The following DENND6B variants were observed in gnomAD, a reference collection of about 807,000 sequenced individuals.
DENND6B encodes DENN domain containing 6B, also known as protein DENND6B.
In DENND6B, 73 loss-of-function variants were observed where a neutral mutation model predicts 85.1. The observed-to-expected ratio is 0.86, with a 90% CI of 0.71 to 1.04. DENND6B has a LOEUF of 1.04. Ranked by LOEUF, DENND6B falls within the 50% of genes least tolerant of loss-of-function variation. The pLI is 0.00. For synonymous variants in DENND6B, 357 were observed against 329.3 expected (o/e 1.08, Z -0.91); for missense variants, 715 against 785.8 (o/e 0.91, Z 1.08).
intron 1 of DENND6B, among the ~76,000 whole-genome samples, chr22:50,320,751 T>G (rs2042018239): frequency 6.6e-6 from 1 of 152,154 alleles, no homozygotes; most frequent in Non-Finnish European, 1.5e-5. Context: ...TGAGGAGAAC[T>G]GAGAAAAGGC....
At position 50,316,083 on chromosome 22, in the gene DENND6B, C is replaced by A. The variant is rs11553143; in HGVS notation, c.644G>T (p.Arg215Leu). The change falls in exon 8 of 20, where the codon CGC (arginine) becomes CTC (leucine). Residue 215 changes from arginine (R) to leucine (L), a missense_variant. By Grantham distance (102) the Arg-to-Leu change is moderately radical. Coordinates refer to ENST00000413817, the MANE Select transcript of DENND6B (RefSeq NM_001001794.4). The part of the protein sequence containing the change: ...LPVMGVVVQV[R>L]IPSRVDKSES... ...GGACTTGTCCACCCTGGATGGGATGCGCACCTGGGAGAAGGAGGGAGCAGC... is the reference window on the plus strand; with the variant it reads ...GGACTTGTCCACCCTGGATGGGATGAGCACCTGGGAGAAGGAGGGAGCAGC... The A allele has an allele frequency of 6.2e-7, 1 of 1,612,612 alleles. No individual in the cohort carries two copies. The highest frequency in any genetic ancestry group is 8.5e-7 in the Non-Finnish European group (1 of 1,179,802).
rs375716693 is a variant in DENND6B at position 50,314,652 on chromosome 22, G to A, written c.930C>T (p.Thr310=). The A allele has an allele frequency of 1.7e-5, 27 of 1,567,378 alleles. No homozygotes were observed. The African/African-American group carries it at 3.1e-4, about 18-fold the overall frequency. The part of the protein sequence containing the change: ...RFCCDFRPYF[T]IHDSEFKEFT... ...ACTCCTTGAACTCGCTGTCATGGAT[G>A]GTGAAGTAGGGACGGAAGTCGCAGC... Residue 310 remains threonine (T), a synonymous_variant, in exon 11 of 20, where the codon ACC becomes ACT. Coordinates refer to ENST00000413817, the MANE Select transcript of DENND6B (RefSeq NM_001001794.4).
At position 50,312,371 on chromosome 22, in the gene DENND6B, T is replaced by G. The variant is rs1569194606; in HGVS notation, c.1607A>C (p.Asp536Ala). ...CTTCTCACGAAGTTTCAGGACCAGG[T>G]CCACGACCTCCACCTCGGACTTGTC... ...MKDKSEVEVVDLVLKLREKLV... is the reference protein window; with the variant it reads ...MKDKSEVEVVALVLKLREKLV... Residue 536 changes from aspartate (D) to alanine (A), a missense_variant, in exon 19 of 20, where the codon GAC (aspartate) becomes GCC (alanine). Asp to Ala is a moderately radical substitution (Grantham distance 126, BLOSUM62 -2). Transcript: ENST00000413817. 1.9e-6 allele frequency: 3 copies of G among 1,611,808 alleles called. No homozygotes were observed. Among genetic ancestry groups the G allele is most frequent in the Non-Finnish European group, 2.5e-6 (3 of 1,179,422 alleles).
chr22:50,321,289 G>A (rs186404819), intron 1 of DENND6B, among the ~76,000 whole-genome samples: 29 of 152,330 alleles, frequency 1.9e-4, no homozygotes, highest in Non-Finnish European at 3.2e-4. Context: ...GCCGCGGTGT[G>A]TCCTGTCCTA....
intron 16 of DENND6B, 28 bp downstream of exon 16, chr22:50,313,418 C>T (rs2068115969): frequency 6.5e-7 from 1 of 1,538,684 alleles, no homozygotes; most frequent in East Asian, 2.4e-5. Context: ...CCTCCATGGA[C>T]CCCACAAAAC....
Position 50,326,584 on chromosome 22 carries a change from T to C in DENND6B, c.177+228A>G, listed in dbSNP as rs1032436439. Among the ~76,000 whole-genome samples, 8 of 152,234 alleles carry C rather than the reference T, an allele frequency of 5.3e-5. 1 individual carries two copies. The South Asian group carries it at 1.4e-3, about 28-fold the overall frequency. ...AATCGAAAGAGTACCACTTAGGTTA[T>C]GCAAAATGCTCCATCCCAATGTGAA... On this transcript the variant is annotated intron_variant, in intron 1 of 19. Transcript: ENST00000413817.
At position 50,312,406 on chromosome 22, in the gene DENND6B, G is replaced by A. The variant is rs117291362; in HGVS notation, c.1572C>T (p.Thr524=). 29,373 of 1,611,000 alleles carry A rather than the reference G, an allele frequency of 0.018. 477 individuals carry two copies. Among genetic ancestry groups the A allele is most frequent in the East Asian group, 0.1 (4,542 of 44,726 alleles). ...LEAICEANIE[T]WMKDKSEVEV... is the part of the protein sequence containing the mutation. Reference sequence around the variant, plus strand: ...CCACCTCGGACTTGTCTTTCATCCAGGTCTCGATGTTCTGCAGGGCAAGAC... The same window carrying A: ...CCACCTCGGACTTGTCTTTCATCCAAGTCTCGATGTTCTGCAGGGCAAGAC... The change falls in exon 19 of 20, where the codon ACC becomes ACT. Residue 524 remains threonine (T), a synonymous_variant. Coordinates refer to ENST00000413817, the MANE Select transcript of DENND6B (RefSeq NM_001001794.4).
chr22:50,315,577 C>A lies in DENND6B; in HGVS notation c.758+137G>T, dbSNP rs566611586. The A allele has an allele frequency of 6.8e-5, 74 of 1,084,604 alleles. No individual in the cohort carries two copies. The African/African-American group carries it at 1.1e-3, about 17-fold the overall frequency. 67.2% of individuals were successfully genotyped at this position (1,084,604 alleles called of 1,614,324 possible). A position where few individuals can be genotyped will look rare whatever the true frequency, so the allele number is the denominator to read the frequency against. On this transcript the variant is annotated intron_variant, in intron 9 of 19. Transcript: ENST00000413817. ...CCCCACATGGCGCTGGCCATACACA[C>A]ACACACGTGCACACGTGCACTCACG...
At chr22:50,322,543 A>G (rs2042077821) in intron 1 of DENND6B, among the ~76,000 whole-genome samples, 1 of 151,554 alleles carries the variant, frequency 6.6e-6, no homozygotes, top group African/African-American at 2.4e-5. Flanking sequence ...TAGAAAAAAA[A>G]TTTTTGTCTT....
At chr22:50,321,042 G>A (rs150013503) in intron 1 of DENND6B, among the ~76,000 whole-genome samples, 28 of 152,350 alleles carry the variant, frequency 1.8e-4, no homozygotes, top group Non-Finnish European at 3.5e-4. Flanking sequence ...AGGTCAGGCT[G>A]TGCCCTGCTC....
Position 50,312,625 on chromosome 22 carries a change from C to A in DENND6B, c.1458G>T (p.Arg486Ser). 3.2e-6 allele frequency: 5 copies of A among 1,568,582 alleles called. No individual in the cohort carries two copies. Among genetic ancestry groups the A allele is most frequent in the Non-Finnish European group, 4.3e-6 (5 of 1,157,626 alleles). ...ILKGDWLGLY[R>S]RFFKSPHFDG... is the part of the protein sequence containing the mutation. ...CAAAATGGGGGGACTTGAAAAACCG[C>A]CTGTGGGGATTAACAGGCGGGGGGC... Residue 486 changes from arginine (R) to serine (S), a missense_variant and splice_region_variant, in exon 18 of 20, where the codon AGG becomes AGT. Arg to Ser is a moderately radical substitution (Grantham distance 110). Coordinates refer to ENST00000413817, the MANE Select transcript of DENND6B (RefSeq NM_001001794.4).
At chr22:50,313,226 G>T in intron 16 of DENND6B, 118 bp from the exon 17 acceptor site, 2 of 1,186,294 alleles carry the variant, frequency 1.7e-6, no homozygotes, top group Non-Finnish European at 2.4e-6. Flanking sequence ...ACCCTGCCTG[G>T]CACAGATCCC....
chr22:50,326,301 C>A (rs969530400), intron 1 of DENND6B, among the ~76,000 whole-genome samples: 17 of 152,350 alleles, frequency 1.1e-4, no homozygotes, highest in African/African-American at 3.8e-4. Flanking sequence ...CAAGGAGGCG[C>A]TGCAGGGTTT....
chr22:50,326,796 G>T lies in DENND6B; in HGVS notation c.177+16C>A. 1.5e-6 allele frequency: 2 copies of T among 1,373,008 alleles called. No homozygotes were observed. The allele number at this position is 1,373,008 out of a possible 1,614,324, so 85.1% of individuals were successfully genotyped here. A position where few individuals can be genotyped will look rare whatever the true frequency, so the allele number is the denominator to read the frequency against. ...GCCCTGCCCACCCGCCCGCGCCCGC[G>T]CTCGCGCCCGCTCACCTCCAGCGCC... On this transcript the variant is annotated intron_variant, in intron 1 of 19. Transcript: ENST00000413817.
Position 50,312,126 on chromosome 22 carries a change from C to T in DENND6B, c.*13G>A, listed in dbSNP as rs778275076. ...AGACCTAGGGCCCTGGGACCGTGGCCCTTGGCTTTGTTCTAGGGAGGGCAC... is the reference window on the plus strand; with the variant it reads ...AGACCTAGGGCCCTGGGACCGTGGCTCTTGGCTTTGTTCTAGGGAGGGCAC... On this transcript the variant is annotated 3_prime_UTR_variant, in exon 20 of 20. Transcript: ENST00000413817. 1.2e-6 allele frequency: 2 copies of T among 1,611,528 alleles called. No homozygotes were observed. Among genetic ancestry groups the T allele is most frequent in the African/African-American group, 2.7e-5 (2 of 74,870 alleles).
intron 5 of DENND6B, 115 bp downstream of exon 5, chr22:50,317,178 A>G: frequency 1.8e-6 from 2 of 1,090,986 alleles, no homozygotes; most frequent in South Asian, 1.3e-5. Flanking sequence ...GTGGGGCTGC[A>G]GGAGGGGTGG....
chr22:50,314,779 G>A lies in DENND6B; in HGVS notation c.881+20C>T. ...CGCGATGGTCCAGCTTCCCCAGCCG[G>A]GACCGGGCCAAGGCGATACCTGGTC... On this transcript the variant is annotated intron_variant, in intron 10 of 19. Coordinates refer to ENST00000413817, the MANE Select transcript of DENND6B (RefSeq NM_001001794.4). 6.3e-7 allele frequency: 1 copy of A among 1,594,346 alleles called. No individual in the cohort carries two copies. Among genetic ancestry groups the A allele is most frequent in the Non-Finnish European group, 8.5e-7 (1 of 1,171,322 alleles).
intron 18 of DENND6B, 30 bp from the exon 19 acceptor site, chr22:50,312,447 C>A: frequency 6.2e-7 from 1 of 1,600,230 alleles, no homozygotes. Context: ...CTACTGTCAG[C>A]AAGGCCCCTC....
chr22:50,321,511 C>T (rs1343847153), intron 1 of DENND6B, among the ~76,000 whole-genome samples: 2 of 151,992 alleles, frequency 1.3e-5, no homozygotes, highest in Admixed American at 1.3e-4. Context: ...AGGGTGCACG[C>T]CACCACGCCC....
Sources: allele counts gnomAD v4.1 joint callset (sites outside exome capture counted in the v4.1 genomes callset), GRCh38; gene constraint gnomAD v4.1.1; transcripts MANE v1.5; gene names NCBI Gene and HGNC (gene_info 2026-07-23, HGNC 2026-07-21).